Variants in PLXNC1 observed in about 807,000 individuals in gnomAD.
The protein encoded by PLXNC1 is plexin C1.
PLXNC1 carries 75 observed loss-of-function variants against 178.2 expected under a neutral mutation model. The observed-to-expected ratio is 0.42, with a 90% CI of 0.35 to 0.51. The LOEUF (loss-of-function observed/expected upper bound fraction) is 0.51. Among genes scored for constraint, PLXNC1 ranks in the 20% least tolerant of loss-of-function variants. The probability of loss-of-function intolerance (pLI) is 0.02; values close to 1 mark genes in which losing one functional copy is unlikely to be tolerated. For missense variants in PLXNC1, 1,503 were observed against 1,984.4 expected (o/e 0.76, Z 4.61); for synonymous variants, 790 against 779.9 (o/e 1.01, Z -0.22).
intron 21 of PLXNC1, among the ~76,000 whole-genome samples, chr12:94,266,573 G>A (rs1965256624): frequency 6.6e-6 from 1 of 152,188 alleles, no homozygotes; most frequent in Non-Finnish European, 1.5e-5. Flanking sequence ...GATGCTGCGG[G>A]TGCTGCTTAA....
chr12:94,237,124 A>C (rs1964264467), intron 9 of PLXNC1, among the ~76,000 whole-genome samples: 1 of 152,248 alleles, frequency 6.6e-6, no homozygotes, highest in Admixed American at 6.5e-5. Flanking sequence ...ACTACTTGAT[A>C]GTAGGTGACT....
At chr12:94,155,114 C>G (rs1020393401) in intron 1 of PLXNC1, among the ~76,000 whole-genome samples, 1 of 152,182 alleles carries the variant, frequency 6.6e-6, no homozygotes, top group African/African-American at 2.4e-5. Flanking sequence ...CCAGGTACTT[C>G]CATTCATTGG....
At chr12:94,186,897 C>T (rs763609344) in intron 4 of PLXNC1, 5 of 168,380 alleles carry the variant, frequency 3.0e-5, no homozygotes, top group East Asian at 3.1e-4. Context: ...GCAGAAGCCT[C>T]GTTATTGATG....
At chr12:94,204,829 T>G (rs931388367) in intron 4 of PLXNC1, among the ~76,000 whole-genome samples, 1 of 152,232 alleles carries the variant, frequency 6.6e-6, no homozygotes, top group African/African-American at 2.4e-5. Flanking sequence ...TGCAGTCTCT[T>G]GTTTCCTGGG....
chr12:94,214,959 C>T (rs1257787007), intron 5 of PLXNC1, among the ~76,000 whole-genome samples: 1 of 151,834 alleles, frequency 6.6e-6, no homozygotes. Context: ...TGCTGTGGCG[C>T]GATCATGGTT....
chr12:94,195,604 C>A (rs1962886543), intron 4 of PLXNC1, among the ~76,000 whole-genome samples: 1 of 152,166 alleles, frequency 6.6e-6, no homozygotes, highest in African/African-American at 2.4e-5. Flanking sequence ...TGTATGCGTC[C>A]TTCAATTATC....
intron 30 of PLXNC1, chr12:94,304,262 C>A: frequency 2.3e-6 from 1 of 431,684 alleles, no homozygotes; most frequent in Non-Finnish European, 4.1e-6. Context: ...ACATTTGGAC[C>A]AGCCTGAATT....
chr12:94,215,581 G>GATAC (rs1963623011), intron 5 of PLXNC1, among the ~76,000 whole-genome samples: 1 of 145,420 alleles, frequency 6.9e-6, no homozygotes, highest in South Asian at 2.2e-4. Flanking sequence ...TAGATAGATA[G>GATAC]ATAGATAGAT....
intron 20 of PLXNC1, chr12:94,262,544 C>T (rs756643700): frequency 3.8e-5 from 37 of 985,422 alleles, no homozygotes; most frequent in Non-Finnish European, 4.5e-5. Context: ...AAGAGCGTCT[C>T]GAGCACTCTG....
chr12:94,191,140 T>A (rs1220137633), intron 4 of PLXNC1, among the ~76,000 whole-genome samples: 3 of 152,236 alleles, frequency 2.0e-5, no homozygotes, highest in Non-Finnish European at 4.4e-5. Flanking sequence ...GCCTTAAATC[T>A]TATAAGACAT....
chr12:94,179,468 C>A (rs140001850), intron 2 of PLXNC1, among the ~76,000 whole-genome samples: 1,680 of 152,226 alleles, frequency 0.011, 13 homozygotes, highest in Middle Eastern at 0.031. Context: ...AGGCCAGGCA[C>A]GGTGGCTCAC....
At chr12:94,271,164 T>C (rs1020362582) in intron 21 of PLXNC1, among the ~76,000 whole-genome samples, 5 of 152,250 alleles carry the variant, frequency 3.3e-5, no homozygotes, top group African/African-American at 1.2e-4. Flanking sequence ...ATTAGAAATA[T>C]ATTTTATAGG....
chr12:94,262,267 T>A (rs570844806), intron 20 of PLXNC1, among the ~76,000 whole-genome samples: 2 of 152,334 alleles, frequency 1.3e-5, no homozygotes, highest in Admixed American at 1.3e-4. Context: ...TCTGGAACCA[T>A]CTCAGCCCCG....
intron 11 of PLXNC1, among the ~76,000 whole-genome samples, chr12:94,242,216 G>A (rs188114475): frequency 6.9e-4 from 105 of 151,802 alleles, no homozygotes; most frequent in African/African-American, 2.5e-3. Context: ...TTCTCCTGAG[G>A]CCCTTACACC....
intron 4 of PLXNC1, among the ~76,000 whole-genome samples, chr12:94,189,644 C>T (rs1353490983): frequency 4.0e-5 from 6 of 150,712 alleles, no homozygotes; most frequent in Non-Finnish European, 7.4e-5. Context: ...CACACCTCTA[C>T]TTTCCAGCTT....
intron 22 of PLXNC1, 109 bp downstream of exon 22, chr12:94,279,758 C>A: frequency 1.0e-6 from 1 of 971,884 alleles, no homozygotes; most frequent in Non-Finnish European, 1.6e-6. Flanking sequence ...CATTCAGTGA[C>A]ACTTACACAG....
At chr12:94,187,043 C>T (rs2135968344) in intron 4 of PLXNC1, among the ~76,000 whole-genome samples, 1 of 152,356 alleles carries the variant, frequency 6.6e-6, no homozygotes, top group South Asian at 2.1e-4. Flanking sequence ...GAGCGGCTTC[C>T]CCGCCATGGC....
intron 28 of PLXNC1, among the ~76,000 whole-genome samples, chr12:94,302,502 A>G (rs1968565137): frequency 6.6e-6 from 1 of 152,218 alleles, no homozygotes; most frequent in African/African-American, 2.4e-5. Context: ...TCATTTGACT[A>G]ATAAAGTTCA....
chr12:94,249,939 G>GGGGGGGTGGGGGGGT (rs1555203501), intron 14 of PLXNC1, among the ~76,000 whole-genome samples: 2 of 105,486 alleles, frequency 1.9e-5, no homozygotes, highest in African/African-American at 7.0e-5. Context: ...GTGGGGGGGT[G>GGGGGGGTGGGGGGGT]GGGGGGTGGG....
Sources: allele counts gnomAD v4.1 joint callset (sites outside exome capture counted in the v4.1 genomes callset), GRCh38; gene constraint gnomAD v4.1.1; transcripts MANE v1.5; gene names NCBI Gene and HGNC (gene_info 2026-07-23, HGNC 2026-07-21).